ZNF415: variants seen among roughly 807,000 people sequenced by gnomAD.
The protein encoded by ZNF415 is zinc finger protein 415.
A neutral mutation model predicts 7.3 loss-of-function variants in ZNF415; 5 were observed. That is an observed-to-expected ratio of 0.69 (90% CI 0.36 to 1.44). ZNF415 has a LOEUF of 1.44. ZNF415 is among the 40% of genes most tolerant of loss of function. The pLI is 0.04. For synonymous variants in ZNF415, 207 were observed against 226.3 expected, an observed-to-expected ratio of 0.91 and a Z score of 0.77; for missense variants, 628 against 664.8, an observed-to-expected ratio of 0.94 and a Z score of 0.61.
chr19:53,115,476 A>G, intron 3 of ZNF415: 1 of 558,562 alleles, frequency 1.8e-6, no homozygotes, highest in South Asian at 2.1e-5. Flanking sequence ...GTCCATCATG[A>G]TGAGCACTTC....
At chr19:53,127,315 C>T (rs1487930467) in intron 1 of ZNF415, among the ~76,000 whole-genome samples, 1 of 152,192 alleles carries the variant, frequency 6.6e-6, no homozygotes, top group Non-Finnish European at 1.5e-5. Context: ...CAGGCACTGC[C>T]TGAGGACACA....
At chr19:53,126,049 C>T (rs971371119) in intron 1 of ZNF415, among the ~76,000 whole-genome samples, 4 of 147,568 alleles carry the variant, frequency 2.7e-5, no homozygotes, top group South Asian at 4.3e-4. Flanking sequence ...TGGCACATGA[C>T]GGAGTATTTG....
chr19:53,127,875 C>CAAAAAAAAAAAAAAAA (rs35037197), intron 1 of ZNF415, among the ~76,000 whole-genome samples: 1 of 126,312 alleles, frequency 7.9e-6, no homozygotes, highest in Non-Finnish European at 1.6e-5. Context: ...GACACCGTCT[C>CAAAAAAAAAAAAAAAA]AAAAAAAAAA....
intron 2 of ZNF415, among the ~76,000 whole-genome samples, chr19:53,121,292 G>C (rs947335000): frequency 3.3e-5 from 5 of 149,796 alleles, no homozygotes; most frequent in Admixed American, 2.7e-4. Context: ...GGCTGAGGCA[G>C]AGGAATCACT....
intron 2 of ZNF415, among the ~76,000 whole-genome samples, chr19:53,121,109 C>G (rs533528183): frequency 7.9e-6 from 1 of 126,418 alleles, no homozygotes; most frequent in East Asian, 2.6e-4. Flanking sequence ...AAAAGTCCTA[C>G]AGCTGGCCGG....
At chr19:53,121,073 GA>G (rs1417205284) in intron 2 of ZNF415, among the ~76,000 whole-genome samples, 2 of 63,216 alleles carry the variant, frequency 3.2e-5, no homozygotes, top group Non-Finnish European at 5.5e-5. Flanking sequence ...GACAGAGGAA[GA>G]CTCAAAAAAA....
intron 1 of ZNF415, among the ~76,000 whole-genome samples, chr19:53,130,420 A>G (rs1244773148): frequency 1.3e-5 from 2 of 151,300 alleles, no homozygotes; most frequent in African/African-American, 4.8e-5. Context: ...TGAAATTGTT[A>G]AGAAATATCT....
chr19:53,132,869 A>C lies in ZNF415; in HGVS notation c.-81T>G, dbSNP rs1412060817. On this transcript the variant is annotated 5_prime_UTR_variant, in exon 1 of 4. Transcript: ENST00000243643. ...AGGGTCACTCACGCTCGACGCCGTC[A>C]CCTTCACCCAACGCGATCCGTTTCC... 1 of 152,170 alleles carries C rather than the reference A, an allele frequency of 6.6e-6. No individual in the cohort carries two copies. Among genetic ancestry groups the C allele is most frequent in the Non-Finnish European group, 1.5e-5 (1 of 68,052 alleles). 9.4% of individuals were successfully genotyped at this position (152,170 alleles called of 1,614,324 possible).
At chr19:53,112,205 AAGT>A (rs1229160732) in intron 3 of ZNF415, among the ~76,000 whole-genome samples, 1 of 152,120 alleles carries the variant, frequency 6.6e-6, no homozygotes, top group Non-Finnish European at 1.5e-5. Context: ...CAGCCTCCAA[AAGT>A]ACTCGGATTA....
chr19:53,116,049 A>G, intron 3 of ZNF415: 1 of 614,806 alleles, frequency 1.6e-6, no homozygotes, highest in Non-Finnish European at 2.8e-6. Flanking sequence ...GGCAGAAAAC[A>G]AGAAGTGAGT....
intron 3 of ZNF415, among the ~76,000 whole-genome samples, chr19:53,110,220 T>G (rs1550578): frequency 6.6e-6 from 1 of 152,114 alleles, no homozygotes; most frequent in Admixed American, 6.6e-5. Context: ...TACACACCAA[T>G]TGGCAGAAAA....
chr19:53,128,841 C>T (rs1316065849), intron 1 of ZNF415, among the ~76,000 whole-genome samples: 1 of 110,494 alleles, frequency 9.1e-6, no homozygotes, highest in Non-Finnish European at 2.1e-5. Flanking sequence ...CAGCCCAACC[C>T]CAGCCCCAGC....
At chr19:53,119,424 G>A (rs1483926244) in intron 2 of ZNF415, among the ~76,000 whole-genome samples, 8 of 104,362 alleles carry the variant, frequency 7.7e-5, no homozygotes, top group Admixed American at 3.2e-4. Flanking sequence ...CAGCCTGGGT[G>A]ACAGAGCAAG....
Position 53,109,684 on chromosome 19 carries a change from T to G in ZNF415, c.361A>C (p.Arg121=). 6.2e-7 allele frequency: 1 copy of G among 1,614,092 alleles called. No individual in the cohort carries two copies. Among genetic ancestry groups the G allele is most frequent in the Non-Finnish European group, 8.5e-7 (1 of 1,179,998 alleles). The change falls in exon 4 of 4, where the codon AGG becomes CGG. Residue 121 remains arginine (R), a synonymous_variant. Transcript: ENST00000243643. ...TTAPKENLTC[R]RDQRDRRGIG... is the part of the protein sequence containing the mutation. The stretch of plus-strand genomic sequence containing the variant: ...CCTCTTCTATCGCGTTGGTCTCTCC[T>G]ACAAGTAAGATTTTCTTTTGGGGCC...
intron 3 of ZNF415, among the ~76,000 whole-genome samples, chr19:53,114,420 A>G (rs4803052): frequency 0.87 from 132,868 of 152,098 alleles, 58,121 homozygotes; most frequent in Middle Eastern, 0.93. Flanking sequence ...CGCCCACCTC[A>G]GCCACCCAGA....
intron 1 of ZNF415, among the ~76,000 whole-genome samples, chr19:53,131,666 T>G (rs1044263070): frequency 7.2e-5 from 11 of 152,058 alleles, no homozygotes; most frequent in African/African-American, 2.7e-4. Flanking sequence ...CTCCTGCTGC[T>G]CCTCCCCGTC....
chr19:53,129,848 G>C, intron 1 of ZNF415: 1 of 370,976 alleles, frequency 2.7e-6, no homozygotes, highest in East Asian at 3.8e-5. Context: ...GAGATTACTT[G>C]AGGCCAGGAG....
intron 1 of ZNF415, among the ~76,000 whole-genome samples, chr19:53,127,842 A>G (rs1424474854): frequency 6.8e-6 from 1 of 147,454 alleles, no homozygotes; most frequent in Non-Finnish European, 1.5e-5. Context: ...GCACCACTGC[A>G]CTCCAGCCTG....
At chr19:53,128,074 A>C (rs1225186858) in intron 1 of ZNF415, among the ~76,000 whole-genome samples, 4 of 152,132 alleles carry the variant, frequency 2.6e-5, no homozygotes, top group Non-Finnish European at 4.4e-5. Flanking sequence ...GCTCATCTAG[A>C]GGCCCACCTT....
Sources: gnomAD v4.1 joint callset for allele counts (sites outside exome capture counted in the v4.1 genomes callset) on GRCh38, gnomAD v4.1.1 for gene constraint, MANE v1.5 for transcripts, NCBI Gene and HGNC (gene_info 2026-07-23, HGNC 2026-07-21) for gene names.